Variants in ATG5 observed in about 807,000 individuals in gnomAD.
The protein encoded by ATG5 is autophagy protein 5.
In ATG5, 14 loss-of-function variants were observed where a neutral mutation model predicts 36.5. That is an observed-to-expected ratio of 0.38 (90% CI 0.25 to 0.60). The LOEUF is 0.60. ATG5 is among the 20% of genes least tolerant of loss of function. The pLI is 0.60. For missense variants in ATG5, 195 were observed against 326.7 expected (o/e 0.60, Z 3.11); for synonymous variants, 95 against 101.5 (o/e 0.94, Z 0.38).
At chr6:106,311,809 C>T (rs1352262952) in intron 2 of ATG5, among the ~76,000 whole-genome samples, 1 of 151,380 alleles carries the variant, frequency 6.6e-6, no homozygotes, top group Non-Finnish European at 1.5e-5. Flanking sequence ...AAACTGGTTA[C>T]TACTGTGCAA....
intron 4 of ATG5, among the ~76,000 whole-genome samples, chr6:106,288,802 A>G (rs1477557911): frequency 6.6e-6 from 1 of 152,230 alleles, no homozygotes; most frequent in Admixed American, 6.5e-5. Context: ...ATTAAAATGC[A>G]TTTATTATAA....
intron 6 of ATG5, among the ~76,000 whole-genome samples, chr6:106,206,419 G>A (rs919657395): frequency 2.6e-5 from 4 of 152,054 alleles, no homozygotes; most frequent in Admixed American, 2.6e-4. Flanking sequence ...TAGGCTGGGC[G>A]TGGTGGATCA....
chr6:106,238,291 T>C (rs563466604), intron 6 of ATG5, among the ~76,000 whole-genome samples: 3 of 152,212 alleles, frequency 2.0e-5, no homozygotes, highest in East Asian at 1.9e-4. Context: ...GAACAAATCA[T>C]ACTTTTAAGC....
intron 6 of ATG5, among the ~76,000 whole-genome samples, chr6:106,243,810 G>A (rs781730257): frequency 4.6e-5 from 7 of 150,644 alleles, no homozygotes; most frequent in African/African-American, 7.3e-5. Flanking sequence ...CAGCCTGGGC[G>A]ACAGAGCAAG....
In ATG5 at chr6:106,248,267, TTA is replaced by T. The variant is rs769748689; in HGVS notation, c.479-25_479-24del. 43 of 1,530,490 alleles carry T rather than the reference TTA, an allele frequency of 2.8e-5. No individual in the cohort carries two copies. In the African/African-American group the frequency reaches 4.4e-4, roughly 16 times the overall value. 94.8% of individuals were successfully genotyped at this position (1,530,490 alleles called of 1,614,324 possible). On this transcript the variant is annotated intron_variant, in intron 5 of 7. Transcript: ENST00000369076. ...TGTCTGTAATGATATAAATTATTTG[TTA>T]TTAAAAATGAACAACATTATAATGG... is the stretch of plus-strand genomic sequence containing the variant.
At chr6:106,324,251 C>G (rs1290786611) in intron 1 of ATG5, among the ~76,000 whole-genome samples, 5 of 152,176 alleles carry the variant, frequency 3.3e-5, no homozygotes, top group Admixed American at 3.3e-4. Flanking sequence ...ATTCCCTAAA[C>G]AATACACCAT....
intron 5 of ATG5, among the ~76,000 whole-genome samples, chr6:106,254,878 T>C (rs1271692578): frequency 1.3e-5 from 2 of 152,210 alleles, no homozygotes; most frequent in Admixed American, 6.5e-5. Flanking sequence ...TCAAATTCTA[T>C]GTGAATGTTG....
intron 4 of ATG5, among the ~76,000 whole-genome samples, chr6:106,285,644 C>A (rs1278537519): frequency 6.6e-6 from 1 of 152,180 alleles, no homozygotes; most frequent in Non-Finnish European, 1.5e-5. Context: ...CTGTGCAGGT[C>A]ATACAGTCTC....
At chr6:106,256,997 AT>A (rs1275990369) in intron 5 of ATG5, among the ~76,000 whole-genome samples, 6 of 152,162 alleles carry the variant, frequency 3.9e-5, no homozygotes, top group South Asian at 2.1e-4. Context: ...GCATAAAAAC[AT>A]TTTTTATATC....
intron 6 of ATG5, among the ~76,000 whole-genome samples, chr6:106,235,004 A>C (rs1777838654): frequency 6.6e-6 from 1 of 151,592 alleles, no homozygotes; most frequent in Non-Finnish European, 1.5e-5. Flanking sequence ...TTAGCGGAAG[A>C]ATGTTGTTAT....
intron 5 of ATG5, among the ~76,000 whole-genome samples, chr6:106,268,661 T>C (rs1186723511): frequency 6.6e-6 from 1 of 152,028 alleles, no homozygotes; most frequent in Non-Finnish European, 1.5e-5. Context: ...ATAGAGAAAA[T>C]GTGTCACATA....
chr6:106,292,926 G>T, intron 4 of ATG5, 102 bp downstream of exon 4: 1 of 906,338 alleles, frequency 1.1e-6, no homozygotes, highest in Non-Finnish European at 1.7e-6. Flanking sequence ...AACAGTGTCA[G>T]GGGAAAAGCA....
At chr6:106,225,738 C>G (rs1371543319) in intron 6 of ATG5, among the ~76,000 whole-genome samples, 1 of 152,074 alleles carries the variant, frequency 6.6e-6, no homozygotes, top group African/African-American at 2.4e-5. Flanking sequence ...AGAAAAACCT[C>G]CCTCATAGGA....
intron 4 of ATG5, among the ~76,000 whole-genome samples, chr6:106,288,842 T>G (rs1234003183): frequency 2.6e-5 from 4 of 152,140 alleles, no homozygotes; most frequent in Non-Finnish European, 5.9e-5. Context: ...ATCACAAACA[T>G]CAAAGTCAGT....
chr6:106,272,475 G>C (rs965925300), intron 5 of ATG5, among the ~76,000 whole-genome samples: 1 of 152,192 alleles, frequency 6.6e-6, no homozygotes, highest in Non-Finnish European at 1.5e-5. Flanking sequence ...TCAGAACTTA[G>C]TAGGCTCTTT....
intron 4 of ATG5, among the ~76,000 whole-genome samples, chr6:106,280,775 A>G (rs1239139771): frequency 6.6e-6 from 1 of 152,150 alleles, no homozygotes; most frequent in African/African-American, 2.4e-5. Context: ...AAAAAATTAA[A>G]GCTTAGGGAA....
chr6:106,231,138 T>G (rs984892720), intron 6 of ATG5, among the ~76,000 whole-genome samples: 4 of 152,142 alleles, frequency 2.6e-5, no homozygotes, highest in African/African-American at 9.7e-5. Context: ...GGAGGAGAAT[T>G]CGGCCCAGCC....
At chr6:106,254,117 A>G (rs1253531994) in intron 5 of ATG5, among the ~76,000 whole-genome samples, 1 of 152,070 alleles carries the variant, frequency 6.6e-6, no homozygotes, top group African/African-American at 2.4e-5. Flanking sequence ...ACTTGCTCCC[A>G]TTTCAGTTTT....
intron 5 of ATG5, among the ~76,000 whole-genome samples, chr6:106,268,639 A>G (rs191904079): frequency 1.3e-5 from 2 of 152,344 alleles, no homozygotes; most frequent in Admixed American, 6.5e-5. Context: ...ATGCCCATCA[A>G]TGTTAGACTG....
Sources: allele counts gnomAD v4.1 joint callset (sites outside exome capture counted in the v4.1 genomes callset), GRCh38; gene constraint gnomAD v4.1.1; transcripts MANE v1.5; gene names NCBI Gene and HGNC (gene_info 2026-07-23, HGNC 2026-07-21).